PLAG1: variants seen among roughly 807,000 people sequenced by gnomAD.
The protein encoded by PLAG1 is PLAG1 zinc finger.
Under a neutral mutation model 35.5 loss-of-function variants are expected in PLAG1, and 7 were observed. The ratio of observed to expected loss-of-function variants is 0.20; its 90% CI spans 0.11 to 0.37. PLAG1 has a LOEUF of 0.37. PLAG1 is among the 10% of genes least tolerant of loss of function. PLAG1 has a pLI of 1.00. For missense variants in PLAG1, 454 were observed against 602.8 expected, an observed-to-expected ratio of 0.75 and a Z score of 2.58; for synonymous variants, 229 against 225.4, an observed-to-expected ratio of 1.02 and a Z score of -0.14.
Position 56,166,411 on chromosome 8 carries a change from G to A in PLAG1, c.1335C>T (p.Ser445=). The A allele has an allele frequency of 1.9e-6, 3 of 1,613,442 alleles. No homozygotes were observed. Among genetic ancestry groups the A allele is most frequent in the Non-Finnish European group, 1.7e-6 (2 of 1,179,736 alleles). ...AAACAGAAGAATGTGCTTCTTCCTG[G>A]GAATAGCTCATTCCAAGGCTCCCCA... ...LSVGSLGMSY[S]QEEAHSSVSQ... is the part of the protein sequence containing the mutation. Residue 445 remains serine (S), a synonymous_variant, in exon 5 of 5, where the codon TCC becomes TCT. Transcript: ENST00000316981.
At chr8:56,209,417 G>C (rs1034586999) in intron 1 of PLAG1, 1 of 152,242 alleles carries the variant, frequency 6.6e-6, no homozygotes, top group Non-Finnish European at 1.5e-5. Context: ...TGGAGTAACA[G>C]AAAGGGAAGG....
In PLAG1 at chr8:56,167,640, C is replaced by T. The variant is rs566952068; in HGVS notation, c.243-137G>A. 1.4e-4 allele frequency: 88 copies of T among 637,530 alleles called. No individual in the cohort carries two copies. The highest frequency in any genetic ancestry group is 1.4e-3 in the African/African-American group (75 of 54,584). 39.5% of individuals were successfully genotyped at this position (637,530 alleles called of 1,614,324 possible). On this transcript the variant is annotated intron_variant, in intron 4 of 4. Transcript: ENST00000316981. The surrounding 1 kb of genome is among the most constrained non-coding windows in gnomAD (Gnocchi z 5.9). Reference sequence around the variant, plus strand: ...AAACTGTTTAACTTAATATATACCACGAGGATAGTTAATATACCTAATTAC... The same window carrying T: ...AAACTGTTTAACTTAATATATACCATGAGGATAGTTAATATACCTAATTAC...
chr8:56,180,834 A>G (rs1048987944), intron 1 of PLAG1, among the ~76,000 whole-genome samples: 1 of 152,246 alleles, frequency 6.6e-6, no homozygotes, highest in Admixed American at 6.5e-5. Flanking sequence ...GATAATATCC[A>G]GAATCTACAA....
At chr8:56,177,998 G>A in intron 2 of PLAG1, 2 of 978,386 alleles carry the variant, frequency 2.0e-6, no homozygotes, top group South Asian at 4.7e-5. Context: ...ACAAACCTGG[G>A]TAGCACTCAG....
intron 2 of PLAG1, among the ~76,000 whole-genome samples, chr8:56,176,199 A>G (rs538512084): frequency 2.0e-5 from 3 of 151,980 alleles, no homozygotes; most frequent in African/African-American, 7.2e-5. Context: ...ACAGGCATGT[A>G]CCATCATACC....
chr8:56,167,497 C>T lies in PLAG1; in HGVS notation c.249G>A (p.Met83Ile). Residue 83 changes from methionine to isoleucine, a missense_variant, in exon 5 of 5, where the codon ATG (methionine) becomes ATA (isoleucine). By Grantham distance (10) the Met-to-Ile change is conservative (BLOSUM62 1). Transcript: ENST00000316981. This position sits in a 1 kb window ranked among gnomAD's most constrained non-coding sequence, Gnocchi z 5.9. ...GGGTTTTCTCAGGAGAATGAGTAGC[C>T]ATGTGCCTTTAAACACAGATATAAT... is the stretch of plus-strand genomic sequence containing the variant. ...FVSKYKLQRHMATHSPEKTHK... is the reference protein window; with the variant it reads ...FVSKYKLQRHIATHSPEKTHK... The T allele has an allele frequency of 6.2e-7, 1 of 1,602,242 alleles. No homozygotes were observed. The highest frequency in any genetic ancestry group is 1.1e-5 in the South Asian group (1 of 90,138).
chr8:56,194,922 G>A (rs922060386), intron 1 of PLAG1, among the ~76,000 whole-genome samples: 24 of 152,146 alleles, frequency 1.6e-4, no homozygotes, highest in African/African-American at 5.8e-4. Context: ...GTGAAAGAGT[G>A]GATGAGCCTT....
chr8:56,166,597 C>G lies in PLAG1; in HGVS notation c.1149G>C (p.Gly383=), dbSNP rs1292417206. Residue 383 remains glycine (G), a synonymous_variant, in exon 5 of 5, where the codon GGG becomes GGC. Transcript: ENST00000316981. ...CTAGGGACCCAATCTGAGGATCCAA[C>G]CCTAGCTTAGATGATGACGATGCTT... ...DSQASSSSKL[G]LDPQIGSLDD... The G allele has an allele frequency of 1.9e-6, 3 of 1,613,934 alleles. No homozygotes were observed. In the South Asian group the frequency reaches 3.3e-5, roughly 18 times the overall value.
intron 2 of PLAG1, among the ~76,000 whole-genome samples, chr8:56,178,329 A>AAAAACAACTTCATTG (rs1811768839): frequency 6.6e-6 from 1 of 152,206 alleles, no homozygotes; most frequent in African/African-American, 2.4e-5. Context: ...CTAGCTACTA[A>AAAAACAACTTCATTG]AAAACAACTT....
chr8:56,203,869 T>C (rs1452657917), intron 1 of PLAG1, among the ~76,000 whole-genome samples: 2 of 152,030 alleles, frequency 1.3e-5, no homozygotes, highest in Non-Finnish European at 2.9e-5. Flanking sequence ...CCTCAGTCTA[T>C]GACAAATTAG....
At chr8:56,174,285 G>A (rs2129226438) in intron 2 of PLAG1, among the ~76,000 whole-genome samples, 1 of 152,228 alleles carries the variant, frequency 6.6e-6, no homozygotes, top group Non-Finnish European at 1.5e-5. Context: ...AAACACAAGA[G>A]AGTTCTGAAT....
chr8:56,208,315 C>A (rs927236746), intron 1 of PLAG1, among the ~76,000 whole-genome samples: 1 of 152,156 alleles, frequency 6.6e-6, no homozygotes. Context: ...TTTCCCTTCT[C>A]TATTGATAGC....
At chr8:56,207,360 T>C (rs1812729203) in intron 1 of PLAG1, among the ~76,000 whole-genome samples, 1 of 151,950 alleles carries the variant, frequency 6.6e-6, no homozygotes, top group African/African-American at 2.4e-5. Context: ...AAAATGTACA[T>C]AGTGACAATC....
intron 1 of PLAG1, among the ~76,000 whole-genome samples, chr8:56,189,936 G>A (rs1246091713): frequency 6.6e-6 from 1 of 152,200 alleles, no homozygotes; most frequent in African/African-American, 2.4e-5. Context: ...GGCTGGAGTC[G>A]ACTGAAGGCT....
intron 1 of PLAG1, among the ~76,000 whole-genome samples, chr8:56,195,249 T>C (rs1013941158): frequency 6.6e-6 from 1 of 152,214 alleles, no homozygotes; most frequent in Non-Finnish European, 1.5e-5. Context: ...TTATCTCATT[T>C]AATACTTAGT....
chr8:56,202,851 T>C (rs1812592159), intron 1 of PLAG1, among the ~76,000 whole-genome samples: 2 of 152,212 alleles, frequency 1.3e-5, no homozygotes, highest in African/African-American at 4.8e-5. Context: ...AATAACTGTC[T>C]GTCACCAATC....
At chr8:56,187,691 TCA>T (rs919161536) in intron 1 of PLAG1, among the ~76,000 whole-genome samples, 2 of 152,146 alleles carry the variant, frequency 1.3e-5, no homozygotes, top group Non-Finnish European at 2.9e-5. Context: ...TTATACGGAA[TCA>T]CAGTCAATGG....
At chr8:56,191,582 G>A (rs916831222) in intron 1 of PLAG1, among the ~76,000 whole-genome samples, 3 of 152,042 alleles carry the variant, frequency 2.0e-5, no homozygotes, top group Non-Finnish European at 1.5e-5. Context: ...TGCTCAGATA[G>A]ATAATAACTA....
In PLAG1 at chr8:56,168,142, A is replaced by T. The variant is rs902625113; in HGVS notation, c.128T>A (p.Phe43Tyr). The change falls in exon 4 of 5, where the codon TTT becomes TAT. Residue 43 changes from phenylalanine to tyrosine, a missense_variant. By Grantham distance (22) the Phe-to-Tyr change is conservative (BLOSUM62 3). This residue lies in a region of PLAG1 where 170 missense variants were observed against 226.3 expected (regional missense o/e 0.75). Transcript: ENST00000316981. ...NFPCQLCDKAFNSVEKLKVHS... is the reference protein window; with the variant it reads ...NFPCQLCDKAYNSVEKLKVHS... ...AACCTTTAATTTCTCAACACTGTTA[A>T]AGGCCTTGTCACACAGTTGGCAAGG... The T allele has an allele frequency of 1.5e-5, 25 of 1,613,294 alleles. No individual in the cohort carries two copies. Among genetic ancestry groups the T allele is most frequent in the Non-Finnish European group, 2.0e-5 (23 of 1,179,398 alleles).
Sources: gnomAD v4.1 joint callset for allele counts (sites outside exome capture counted in the v4.1 genomes callset) on GRCh38, gnomAD v4.1.1 for gene constraint, gnomAD v4.1.1 regional missense constraint, Gnocchi (gnomAD v3.1) non-coding constraint, MANE v1.5 for transcripts, NCBI Gene and HGNC (gene_info 2026-07-23, HGNC 2026-07-21) for gene names.